The following SDCBP2 variants were observed in gnomAD, a reference collection of about 807,000 sequenced individuals.
SDCBP2 encodes the protein syndecan binding protein 2.
In SDCBP2, 28 loss-of-function variants were observed where a neutral mutation model predicts 30.7. The ratio of observed to expected loss-of-function variants is 0.91; its 90% CI spans 0.68 to 1.25. The LOEUF is 1.25. Among genes scored for constraint, SDCBP2 ranks in the 50% most tolerant of loss-of-function variants. The pLI, the probability that SDCBP2 is intolerant of heterozygous loss-of-function variation, is 0.00. For missense variants in SDCBP2, 399 were observed against 379.0 expected, an observed-to-expected ratio of 1.05 and a Z score of -0.44; for synonymous variants, 166 against 157.3, an observed-to-expected ratio of 1.06 and a Z score of -0.41.
intron 1 of SDCBP2, among the ~76,000 whole-genome samples, chr20:1,328,399 A>G (rs993615979): frequency 6.6e-6 from 1 of 151,984 alleles, no homozygotes; most frequent in African/African-American, 2.4e-5. Flanking sequence ...CCCAGGTGGG[A>G]AGTGATGGTG....
Position 1,320,307 on chromosome 20 carries a change from G to T in SDCBP2, c.54+56C>A. ...GGCCCCAGTACCCAGCACCTTCCAG[G>T]GTAATCCCCAAGGTCCCCTTCAGGG... is the stretch of plus-strand genomic sequence containing the variant. On this transcript the variant is annotated intron_variant, in intron 2 of 8. Transcript: ENST00000360779. The surrounding 1 kb of genome is among the most constrained non-coding windows in gnomAD (Gnocchi z 4.7). 1 of 1,538,422 alleles carries T rather than the reference G, an allele frequency of 6.5e-7. No individual in the cohort carries two copies. Among genetic ancestry groups the T allele is most frequent in the South Asian group, 1.1e-5 (1 of 86,976 alleles).
intron 8 of SDCBP2, 69 bp from the exon 9 acceptor site, chr20:1,310,564 C>T (rs1036913365): frequency 3.3e-5 from 48 of 1,475,302 alleles, no homozygotes; most frequent in Admixed American, 2.7e-4. Context: ...CCTCCACCCC[C>T]TTCCGAGCCA....
chr20:1,310,883 C>T lies in SDCBP2; in HGVS notation c.741G>A (p.Lys247=). 1 of 1,613,810 alleles carries T rather than the reference C, an allele frequency of 6.2e-7. No individual in the cohort carries two copies. The highest frequency in any genetic ancestry group is 8.5e-7 in the Non-Finnish European group (1 of 1,179,776). ...CAGCCGTGGCCAGAATCTCCATGAT[C>T]TTTTTGTCCTAGGGAGGAGGCAAGT... is the stretch of plus-strand genomic sequence containing the variant. The part of the protein sequence containing the change: ...GQNVIGLKDK[K]IMEILATAGN... Residue 247 remains lysine, a synonymous_variant, in exon 8 of 9, where the codon AAG becomes AAA. Coordinates refer to ENST00000360779, the MANE Select transcript of SDCBP2 (RefSeq NM_080489.5).
Position 1,313,596 on chromosome 20 carries a change from A to G in SDCBP2, c.226-98T>C, listed in dbSNP as rs747245151. 51 of 1,437,988 alleles carry G rather than the reference A, an allele frequency of 3.5e-5. 1 individual carries two copies. The Middle Eastern group carries it at 1.3e-3, about 36-fold the overall frequency. 89.1% of individuals were successfully genotyped at this position (1,437,988 alleles called of 1,614,324 possible). On this transcript the variant is annotated intron_variant, in intron 4 of 8. Coordinates refer to ENST00000360779, the MANE Select transcript of SDCBP2 (RefSeq NM_080489.5). This position sits in a 1 kb window ranked among gnomAD's most constrained non-coding sequence, Gnocchi z 5.2. The stretch of plus-strand genomic sequence containing the variant: ...GGTAGGGATGGGGAAAGGAGGATGG[A>G]GCCGTCCCCGGGTCCCCCCACGTCC...
At chr20:1,327,680 T>C (rs1217104406) in intron 1 of SDCBP2, among the ~76,000 whole-genome samples, 1 of 152,258 alleles carries the variant, frequency 6.6e-6, no homozygotes, top group East Asian at 1.9e-4. Context: ...TGTCATTTCT[T>C]CCTTTGTAAT....
At position 1,324,164 on chromosome 20, in the gene SDCBP2, C is replaced by A. The variant is rs2088886503; in HGVS notation, c.-19-3729G>T. On this transcript the variant is annotated intron_variant, in intron 1 of 8. Transcript: ENST00000360779. The surrounding 1 kb of genome is among the most constrained non-coding windows in gnomAD (Gnocchi z 4.7). ...GCCTGGCTGGGTCTTCCCATGTATT[C>A]CACCCCTGACCTGTACTGCCCCTGT... 6.6e-6 allele frequency: 1 copy of A among 152,158 alleles called. No individual in the cohort carries two copies. The highest frequency in any genetic ancestry group is 6.5e-5 in the Admixed American group (1 of 15,280). 9.4% of individuals were successfully genotyped at this position (152,158 alleles called of 1,614,324 possible). A position where few individuals can be genotyped will look rare whatever the true frequency, so the allele number is the denominator to read the frequency against.
At chr20:1,310,602 A>T in intron 8 of SDCBP2, 107 bp from the exon 9 acceptor site, 1 of 1,168,162 alleles carries the variant, frequency 8.6e-7, no homozygotes, top group East Asian at 2.5e-5. Context: ...CTTCACTCCC[A>T]GTTCTAAGAC....
chr20:1,313,148 G>A lies in SDCBP2; in HGVS notation c.384+192C>T. ...GAAGCCCACGGAGAGGCCAGTGGAG[G>A]GCCCTGCGCAACCCAGCACCAGCCC... On this transcript the variant is annotated intron_variant, in intron 5 of 8. Coordinates refer to ENST00000360779, the MANE Select transcript of SDCBP2 (RefSeq NM_080489.5). This position sits in a 1 kb window ranked among gnomAD's most constrained non-coding sequence, Gnocchi z 5.2. 6.2e-6 allele frequency: 4 copies of A among 641,508 alleles called. No homozygotes were observed. Among genetic ancestry groups the A allele is most frequent in the South Asian group, 1.9e-5 (1 of 52,062 alleles). The allele number at this position is 641,508 out of a possible 1,614,324, so 39.7% of individuals were successfully genotyped here. A position where few individuals can be genotyped will look rare whatever the true frequency, so the allele number is the denominator to read the frequency against.
rs1484431063 is a variant in SDCBP2, at chr20:1,312,955, G to T, written c.385-193C>A. The T allele has an allele frequency of 1.4e-5, 9 of 638,728 alleles. No individual in the cohort carries two copies. In the Admixed American group the frequency reaches 2.7e-4, roughly 19 times the overall value. 39.6% of individuals were successfully genotyped at this position (638,728 alleles called of 1,614,324 possible). A position where few individuals can be genotyped will look rare whatever the true frequency, so the allele number is the denominator to read the frequency against. Reference sequence around the variant, plus strand: ...TCTAGGCCTCATAGTTAGGAAGCAGGTGAGTCAGGATTTCAACCCTGGCCT... The same window carrying T: ...TCTAGGCCTCATAGTTAGGAAGCAGTTGAGTCAGGATTTCAACCCTGGCCT... On this transcript the variant is annotated intron_variant, in intron 5 of 8. Transcript: ENST00000360779.
At position 1,312,596 on chromosome 20, in the gene SDCBP2, A is replaced by G. The variant is rs183570405; in HGVS notation, c.551T>C (p.Val184Ala). 1.2e-6 allele frequency: 2 copies of G among 1,613,812 alleles called. No individual in the cohort carries two copies. Among genetic ancestry groups the G allele is most frequent in the African/African-American group, 1.3e-5 (1 of 75,016 alleles). Residue 184 changes from valine to alanine, a missense_variant, in exon 6 of 9, where the codon GTT becomes GCT. Physicochemically the swap from Val to Ala is moderately conservative, Grantham distance 64. Coordinates refer to ENST00000360779, the MANE Select transcript of SDCBP2 (RefSeq NM_080489.5). ...GGGCCTGGCTACTCACCTGTCCCGA[A>G]CCACCACGACAATCTTATCGCCTGA... Reference protein sequence around the residue: ...KASGDKIVVVVRDRPFQRTVT... With the variant: ...KASGDKIVVVARDRPFQRTVT...
Position 1,320,492 on chromosome 20 carries a change from G to A in SDCBP2, c.-19-57C>T, listed in dbSNP as rs2088837831. 2 of 1,388,068 alleles carry A rather than the reference G, an allele frequency of 1.4e-6. No homozygotes were observed. Among genetic ancestry groups the A allele is most frequent in the Non-Finnish European group, 2.0e-6 (2 of 993,570 alleles). 86.0% of individuals were successfully genotyped at this position (1,388,068 alleles called of 1,614,324 possible). A position where few individuals can be genotyped will look rare whatever the true frequency, so the allele number is the denominator to read the frequency against. On this transcript the variant is annotated intron_variant, in intron 1 of 8. Coordinates refer to ENST00000360779, the MANE Select transcript of SDCBP2 (RefSeq NM_080489.5). This position sits in a 1 kb window ranked among gnomAD's most constrained non-coding sequence, Gnocchi z 4.7. ...GATGCAGCTGATGCCCCCTTGAAAG[G>A]AGGCACAGACATCCGCAACAGCAAG...
chr20:1,313,699 C>T lies in SDCBP2; in HGVS notation c.226-201G>A, dbSNP rs192384709. 282 of 1,333,240 alleles carry T rather than the reference C, an allele frequency of 2.1e-4. 1 individual carries two copies. The African/African-American group carries it at 3.9e-3, about 18-fold the overall frequency. 82.6% of individuals were successfully genotyped at this position (1,333,240 alleles called of 1,614,324 possible). A position where few individuals can be genotyped will look rare whatever the true frequency, so the allele number is the denominator to read the frequency against. Reference sequence around the variant, plus strand: ...ACTAGGGGGCGTCAAAGTCCATGCCCTTAAAAAGCCAGGAAAACGGGGAGG... The same window carrying T: ...ACTAGGGGGCGTCAAAGTCCATGCCTTTAAAAAGCCAGGAAAACGGGGAGG... On this transcript the variant is annotated intron_variant, in intron 4 of 8. Coordinates refer to ENST00000360779, the MANE Select transcript of SDCBP2 (RefSeq NM_080489.5). This position sits in a 1 kb window ranked among gnomAD's most constrained non-coding sequence, Gnocchi z 5.2.
At position 1,315,950 on chromosome 20, in the gene SDCBP2, G is replaced by T. The variant is rs2088770791; in HGVS notation, c.225+2368C>A. Among the ~76,000 whole-genome samples, 4 of 152,030 alleles carry T rather than the reference G, an allele frequency of 2.6e-5. No individual in the cohort carries two copies. In the South Asian group the frequency reaches 8.3e-4, roughly 32 times the overall value. On this transcript the variant is annotated intron_variant, in intron 4 of 8. Transcript: ENST00000360779. ...AAAAATAAAAATAACAATAATAAAA[G>T]AAATTAGCTGGGCATGGTGGTGTGC...
chr20:1,312,223 T>C, intron 7 of SDCBP2, 114 bp downstream of exon 7: 2 of 1,086,460 alleles, frequency 1.8e-6, no homozygotes, highest in Non-Finnish European at 2.6e-6. Context: ...TACTGAACCC[T>C]CACAGCAACC....
At position 1,312,454 on chromosome 20, in the gene SDCBP2, G is replaced by A. The variant is rs146056719; in HGVS notation, c.615C>T (p.Phe205=). 5.0e-6 allele frequency: 8 copies of A among 1,614,146 alleles called. No individual in the cohort carries two copies. Among genetic ancestry groups the A allele is most frequent in the South Asian group, 1.1e-5 (1 of 91,076 alleles). ...MHKDSMGHVG[F]VIKKGKIVSL... ...AGACAATCTTCCCCTTCTTGATCAC[G>A]AAGCCGACGTGGCCCATGCTGTCCT... The change falls in exon 7 of 9, where the codon TTC becomes TTT. Residue 205 remains phenylalanine (F), a synonymous_variant. Transcript: ENST00000360779.
intron 2 of SDCBP2, among the ~76,000 whole-genome samples, chr20:1,319,959 C>T (rs1334821508): frequency 1.3e-5 from 2 of 152,188 alleles, no homozygotes; most frequent in Non-Finnish European, 2.9e-5. Flanking sequence ...GAAAAGTCTC[C>T]ATTTCTCAAA....
At chr20:1,318,474 T>A in intron 3 of SDCBP2, 56 bp from the exon 4 acceptor site, 1 of 1,114,454 alleles carries the variant, frequency 9.0e-7, no homozygotes, top group Non-Finnish European at 1.3e-6. Context: ...TGCTTCCCTA[T>A]GCCTGCCTGG....
At position 1,313,249 on chromosome 20, in the gene SDCBP2, C is replaced by T. The variant is rs2088709085; in HGVS notation, c.384+91G>A. ...GTTAGGAGGCCCGCTCTGCACCTTC[C>T]TTACTGTGGACGGGCCCTCTGAGCT... On this transcript the variant is annotated intron_variant, in intron 5 of 8. Coordinates refer to ENST00000360779, the MANE Select transcript of SDCBP2 (RefSeq NM_080489.5). This position sits in a 1 kb window ranked among gnomAD's most constrained non-coding sequence, Gnocchi z 5.2. The T allele has an allele frequency of 4.4e-6, 6 of 1,369,426 alleles. No individual in the cohort carries two copies. Among genetic ancestry groups the T allele is most frequent in the Non-Finnish European group, 6.1e-6 (6 of 991,238 alleles). The allele number at this position is 1,369,426 out of a possible 1,614,324, so 84.8% of individuals were successfully genotyped here.
intron 3 of SDCBP2, 37 bp downstream of exon 3, chr20:1,319,553 C>G (rs1204751446): frequency 5.8e-6 from 9 of 1,549,780 alleles, no homozygotes; most frequent in Non-Finnish European, 7.9e-6. Flanking sequence ...CCTGAAAGGA[C>G]TTGGCACCCA....
Sources: gnomAD v4.1 joint callset for allele counts (sites outside exome capture counted in the v4.1 genomes callset) on GRCh38, gnomAD v4.1.1 for gene constraint, Gnocchi (gnomAD v3.1) non-coding constraint, MANE v1.5 for transcripts, NCBI Gene and HGNC (gene_info 2026-07-23, HGNC 2026-07-21) for gene names.